The following PNPLA7 variants were observed in gnomAD, a reference collection of about 807,000 sequenced individuals.
PNPLA7 encodes patatin-like phospholipase domain-containing protein 7.
PNPLA7 carries 153 observed loss-of-function variants against 161.7 expected under a neutral mutation model. That is an observed-to-expected ratio of 0.95 (90% CI 0.83 to 1.08). PNPLA7 has a LOEUF of 1.08. Among genes scored for constraint, PNPLA7 ranks in the 50% least tolerant of loss-of-function variants. The pLI is 0.00. For missense variants in PNPLA7, 1,739 were observed against 1,856.6 expected, an observed-to-expected ratio of 0.94 and a Z score of 1.16; for synonymous variants, 809 against 782.1, an observed-to-expected ratio of 1.03 and a Z score of -0.57.
Position 137,499,909 on chromosome 9 carries a change from G to T in PNPLA7, c.1757+782C>A, listed in dbSNP as rs1588611502. Reference sequence around the variant, plus strand: ...CCACAGCAGACATCTGGCCTATGAGGGTGCGGAGGACTTCCAGAAAACACA... The same window carrying T: ...CCACAGCAGACATCTGGCCTATGAGTGTGCGGAGGACTTCCAGAAAACACA... On this transcript the variant is annotated intron_variant, in intron 16 of 34. Transcript: ENST00000406427. This position sits in a 1 kb window ranked among gnomAD's most constrained non-coding sequence, Gnocchi z 5.5. Among the ~76,000 whole-genome samples, 4 of 152,354 alleles carry T rather than the reference G, an allele frequency of 2.6e-5. No homozygotes were observed. The Middle Eastern group carries it at 0.014, about 518-fold the overall frequency.
intron 26 of PNPLA7, among the ~76,000 whole-genome samples, chr9:137,466,516 C>A: frequency 6.6e-6 from 1 of 150,478 alleles, no homozygotes; most frequent in South Asian, 2.1e-4. Context: ...GACCCGGGCA[C>A]AGATCAGACC....
In PNPLA7 at chr9:137,537,907, G is replaced by A. The variant is rs1835979756; in HGVS notation, c.747+2735C>T. Among the ~76,000 whole-genome samples, 1 of 152,208 alleles carries A rather than the reference G, an allele frequency of 6.6e-6. No individual in the cohort carries two copies. The highest frequency in any genetic ancestry group is 1.5e-5 in the Non-Finnish European group (1 of 68,042). On this transcript the variant is annotated intron_variant, in intron 8 of 34. Coordinates refer to ENST00000406427, the MANE Select transcript of PNPLA7 (RefSeq NM_001098537.3). The surrounding 1 kb of genome is among the most constrained non-coding windows in gnomAD (Gnocchi z 4.5). Reference sequence around the variant, plus strand: ...GCTTAAAGAGAAACGAATCATCCAAGGTAGGTCGCATACAGATGCCCCGTG... The same window carrying A: ...GCTTAAAGAGAAACGAATCATCCAAAGTAGGTCGCATACAGATGCCCCGTG...
chr9:137,542,684 A>G lies in PNPLA7; in HGVS notation c.624T>C (p.Cys208=), dbSNP rs755568298. 1.2e-6 allele frequency: 2 copies of G among 1,613,064 alleles called. 1 individual carries two copies. Among genetic ancestry groups the G allele is most frequent in the South Asian group, 2.2e-5 (2 of 91,036 alleles). The part of the protein sequence containing the change: ...FQPREPDPSI[C]VVQDGRLEVC... The stretch of plus-strand genomic sequence containing the variant: ...CCTCCAGCCGCCCGTCCTGCACCAC[A>G]CAGATGCTGGGGTCCGGCTCCCTGG... The change falls in exon 7 of 35, where the codon TGT becomes TGC. Residue 208 remains cysteine, a synonymous_variant. Transcript: ENST00000406427.
intron 30 of PNPLA7, 75 bp from the exon 31 acceptor site, chr9:137,462,406 AGGTTCTGG>A: frequency 6.6e-7 from 1 of 1,522,524 alleles, no homozygotes; most frequent in Admixed American, 2.1e-5. Context: ...GGCGCAGGAC[AGGTTCTGG>A]GGACCCATCC....
rs1319280072 is a variant in PNPLA7, at chr9:137,541,240, A to G, written c.667-518T>C. Among the ~76,000 whole-genome samples the G allele has an allele frequency of 1.3e-5, 2 of 152,136 alleles. No individual in the cohort carries two copies. Among genetic ancestry groups the G allele is most frequent in the Non-Finnish European group, 1.5e-5 (1 of 68,020 alleles). On this transcript the variant is annotated intron_variant, in intron 7 of 34. Coordinates refer to ENST00000406427, the MANE Select transcript of PNPLA7 (RefSeq NM_001098537.3). The surrounding 1 kb of genome is among the most constrained non-coding windows in gnomAD (Gnocchi z 4.4). Reference sequence around the variant, plus strand: ...TCCATGAGCCCCTCCCATCTAGTCCAAAGGCCAGAGGGACACGGGTTCTGG... The same window carrying G: ...TCCATGAGCCCCTCCCATCTAGTCCGAAGGCCAGAGGGACACGGGTTCTGG...
At chr9:137,506,187 G>C in intron 12 of PNPLA7, 104 bp from the exon 13 acceptor site, 3 of 913,680 alleles carry the variant, frequency 3.3e-6, no homozygotes, top group Non-Finnish European at 5.1e-6. Flanking sequence ...ACAGACCCCG[G>C]CAGCTCCCTC....
chr9:137,519,325 C>G (rs1432839115), intron 11 of PNPLA7, among the ~76,000 whole-genome samples: 2 of 152,258 alleles, frequency 1.3e-5, no homozygotes, highest in African/African-American at 2.4e-5. Flanking sequence ...GATTCAGGCC[C>G]CCCGGTTAGC....
At chr9:137,517,301 C>G (rs1356197678) in intron 11 of PNPLA7, among the ~76,000 whole-genome samples, 2 of 102,416 alleles carry the variant, frequency 2.0e-5, no homozygotes, top group Non-Finnish European at 4.0e-5. Flanking sequence ...CTGTCCACTC[C>G]ATCCCACACT....
In PNPLA7 at chr9:137,500,014, G is replaced by A. The variant is rs951695050; in HGVS notation, c.1757+677C>T. ...GCTCCAGGAGATTCTGGACCTGACA[G>A]AGCAGAATGCCCAGTGCCGTGGATG... On this transcript the variant is annotated intron_variant, in intron 16 of 34. Coordinates refer to ENST00000406427, the MANE Select transcript of PNPLA7 (RefSeq NM_001098537.3). The surrounding 1 kb of genome is among the most constrained non-coding windows in gnomAD (Gnocchi z 5.5). 3.9e-5 allele frequency among the ~76,000 whole-genome samples: 6 copies of A among 152,246 alleles called. No individual in the cohort carries two copies. The highest frequency in any genetic ancestry group is 8.8e-5 in the Non-Finnish European group (6 of 68,042).
At chr9:137,461,505 C>G in intron 33 of PNPLA7, 31 bp downstream of exon 33, 3 of 1,593,300 alleles carry the variant, frequency 1.9e-6, no homozygotes, top group Non-Finnish European at 2.6e-6. Flanking sequence ...TCACGCACGT[C>G]TCCACGGCTT....
At chr9:137,518,314 C>T (rs1331548732) in intron 11 of PNPLA7, among the ~76,000 whole-genome samples, 56 of 128,322 alleles carry the variant, frequency 4.4e-4, no homozygotes, top group African/African-American at 1.7e-3. Flanking sequence ...ACTCTGTCCA[C>T]TCCATCCCCC....
Position 137,543,442 on chromosome 9 carries a change from T to C in PNPLA7, c.496A>G (p.Lys166Glu), listed in dbSNP as rs570505704. The change falls in exon 6 of 35, where the codon AAA (lysine) becomes GAA (glutamate). Residue 166 changes from lysine (K) to glutamate (E), a missense_variant. Transcript: ENST00000406427. This position sits in a 1 kb window ranked among gnomAD's most constrained non-coding sequence, Gnocchi z 6.9. ...CATCCCCGCTCTTACCGAACGTTTT[T>C]CAGCATGTACAGAACTTCCGATGGC... ...HLPSEVLYML[K>E]NVRVLGHFEK... The C allele has an allele frequency of 1.9e-6, 3 of 1,613,944 alleles. No individual in the cohort carries two copies. The Admixed American group carries it at 5.0e-5, about 27-fold the overall frequency.
At chr9:137,480,814 G>T in intron 22 of PNPLA7, 146 bp downstream of exon 22, 1 of 939,518 alleles carries the variant, frequency 1.1e-6, no homozygotes, top group Non-Finnish European at 1.6e-6. Flanking sequence ...TCCAGTGAAG[G>T]GAGTCACGTC....
intron 11 of PNPLA7, 98 bp downstream of exon 11, chr9:137,519,819 A>G: frequency 6.7e-7 from 1 of 1,482,928 alleles, no homozygotes; most frequent in Non-Finnish European, 9.0e-7. Flanking sequence ...TGGTGGCCTC[A>G]GGCATGTGCA....
intron 20 of PNPLA7, 82 bp downstream of exon 20, chr9:137,492,931 G>A: frequency 7.9e-7 from 1 of 1,271,126 alleles, no homozygotes; most frequent in Non-Finnish European, 1.1e-6. Context: ...GGCTGGGAGG[G>A]CGGGGCCATG....
At chr9:137,460,776 G>A (rs772867174) in intron 33 of PNPLA7, 39 bp from the exon 34 acceptor site, 1 of 1,567,406 alleles carries the variant, frequency 6.4e-7, no homozygotes, top group Non-Finnish European at 8.7e-7. Flanking sequence ...CCCCTCCCAA[G>A]GAAGGGACCG....
intron 12 of PNPLA7, 42 bp downstream of exon 12, chr9:137,515,337 C>A: frequency 6.3e-7 from 1 of 1,585,268 alleles, no homozygotes; most frequent in Admixed American, 1.8e-5. Flanking sequence ...ATGCCGAGGG[C>A]CTGTGGGTCA....
rs1043129996 is a variant in PNPLA7 at position 137,547,833 on chromosome 9, G to A, written c.31-174C>T. ...GGTCCTCTGAGCCCCCTGCTAGGAA[G>A]CACTCAGAGAGCAACCTGGCTCCCT... On this transcript the variant is annotated intron_variant, in intron 1 of 34. Coordinates refer to ENST00000406427, the MANE Select transcript of PNPLA7 (RefSeq NM_001098537.3). This position sits in a 1 kb window ranked among gnomAD's most constrained non-coding sequence, Gnocchi z 4.6. 6.6e-6 allele frequency among the ~76,000 whole-genome samples: 1 copy of A among 152,212 alleles called. No individual in the cohort carries two copies. Among genetic ancestry groups the A allele is most frequent in the East Asian group, 1.9e-4 (1 of 5,190 alleles).
At chr9:137,509,698 T>C (rs568245604) in intron 12 of PNPLA7, 172 of 451,970 alleles carry the variant, frequency 3.8e-4, no homozygotes, top group African/African-American at 2.5e-3. Context: ...TTGTGGCCCA[T>C]GATGCACAGC....
Sources: allele counts gnomAD v4.1 joint callset (sites outside exome capture counted in the v4.1 genomes callset), GRCh38; gene constraint gnomAD v4.1.1; non-coding constraint Gnocchi (gnomAD v3.1); transcripts MANE v1.5; gene names NCBI Gene and HGNC (gene_info 2026-07-23, HGNC 2026-07-21).